Variants in KCNH5 observed in about 807,000 individuals in gnomAD.
The protein encoded by KCNH5 is voltage-gated delayed rectifier potassium channel KCNH5.
Under a neutral mutation model 96.1 loss-of-function variants are expected in KCNH5, and 46 were observed. That is an observed-to-expected ratio of 0.48 (90% CI 0.38 to 0.61). The LOEUF is 0.61. Among genes scored for constraint, KCNH5 ranks in the 20% least tolerant of loss-of-function variants. The probability of loss-of-function intolerance (pLI) is 0.00; values close to 1 mark genes in which losing one functional copy is unlikely to be tolerated. For missense variants in KCNH5, 907 were observed against 1,225.8 expected, an observed-to-expected ratio of 0.74 and a Z score of 3.88; for synonymous variants, 439 against 449.8, an observed-to-expected ratio of 0.98 and a Z score of 0.30.
chr14:62,733,801 C>T (rs934709965), intron 10 of KCNH5, among the ~76,000 whole-genome samples: 2 of 152,142 alleles, frequency 1.3e-5, no homozygotes, highest in Non-Finnish European at 2.9e-5. Context: ...TCTTCTTGTG[C>T]TTCCTTTATT....
chr14:62,926,002 G>A (rs1051841152), intron 7 of KCNH5, among the ~76,000 whole-genome samples: 1 of 152,022 alleles, frequency 6.6e-6, no homozygotes, highest in Non-Finnish European at 1.5e-5. Flanking sequence ...CAAGCTTTAA[G>A]AATGACAAAG....
intron 8 of KCNH5, among the ~76,000 whole-genome samples, chr14:62,811,789 G>A (rs1041931435): frequency 2.0e-5 from 3 of 151,958 alleles, no homozygotes; most frequent in African/African-American, 4.8e-5. Context: ...CAGAAGCTTC[G>A]CTGGAAAGGC....
chr14:62,959,219 CT>C (rs1209000019), intron 6 of KCNH5, among the ~76,000 whole-genome samples: 1 of 152,150 alleles, frequency 6.6e-6, no homozygotes, highest in Non-Finnish European at 1.5e-5. Context: ...TAATTATTAA[CT>C]TATCACCACC....
chr14:62,885,019 G>A (rs992677660), intron 7 of KCNH5, among the ~76,000 whole-genome samples: 16 of 152,134 alleles, frequency 1.1e-4, no homozygotes, highest in Non-Finnish European at 2.4e-4. Context: ...TCAAATCCCA[G>A]TACTCTATAA....
intron 10 of KCNH5, among the ~76,000 whole-genome samples, chr14:62,769,314 G>A (rs1885935733): frequency 6.6e-6 from 1 of 152,238 alleles, no homozygotes; most frequent in South Asian, 2.1e-4. Flanking sequence ...GGGCCAGTAG[G>A]TTGGAGTGAA....
intron 7 of KCNH5, among the ~76,000 whole-genome samples, chr14:62,939,533 G>A (rs1207827730): frequency 6.6e-6 from 1 of 152,096 alleles, no homozygotes. Flanking sequence ...TTAGAAAAAA[G>A]CTTCATCATA....
At chr14:62,811,767 G>A (rs1026898841) in intron 8 of KCNH5, among the ~76,000 whole-genome samples, 1 of 152,012 alleles carries the variant, frequency 6.6e-6, no homozygotes, top group African/African-American at 2.4e-5. Context: ...GAAATAAGCA[G>A]AATTATGCTG....
chr14:62,992,945 C>T (rs1406914979), intron 4 of KCNH5, among the ~76,000 whole-genome samples: 2 of 151,940 alleles, frequency 1.3e-5, no homozygotes, highest in Non-Finnish European at 2.9e-5. Context: ...TTTATAACTT[C>T]AAGTCTTATG....
chr14:62,952,308 T>C (rs1890022297), intron 6 of KCNH5, among the ~76,000 whole-genome samples: 1 of 152,056 alleles, frequency 6.6e-6, no homozygotes, highest in Admixed American at 6.6e-5. Flanking sequence ...ATTAATGAAA[T>C]AAAGAAGACA....
chr14:62,790,366 G>A (rs974539148), intron 9 of KCNH5, among the ~76,000 whole-genome samples: 22 of 151,574 alleles, frequency 1.5e-4, no homozygotes, highest in Admixed American at 1.4e-3. Context: ...TCTCAGTATT[G>A]CTTTTTGTCT....
At chr14:62,811,349 A>G (rs1160835846) in intron 8 of KCNH5, among the ~76,000 whole-genome samples, 2 of 152,078 alleles carry the variant, frequency 1.3e-5, no homozygotes, top group Non-Finnish European at 2.9e-5. Flanking sequence ...TCCTGCTCCA[A>G]TCTTACTACC....
rs890761034 is a variant in KCNH5, at chr14:62,845,305, A to G, written c.1569+4348T>C. 6.6e-5 allele frequency among the ~76,000 whole-genome samples: 10 copies of G among 152,318 alleles called. No individual in the cohort carries two copies. The South Asian group carries it at 1.2e-3, about 19-fold the overall frequency. On this transcript the variant is annotated intron_variant, in intron 8 of 10. Coordinates refer to ENST00000322893, the MANE Select transcript of KCNH5 (RefSeq NM_139318.5). ...ACATAATTCTAAGATGGTGACTGCAATTAAGGAATTTATATTATTACTGTC... is the reference window on the plus strand; with the variant it reads ...ACATAATTCTAAGATGGTGACTGCAGTTAAGGAATTTATATTATTACTGTC...
chr14:62,892,556 C>A (rs1225879094), intron 7 of KCNH5, among the ~76,000 whole-genome samples: 1 of 152,192 alleles, frequency 6.6e-6, no homozygotes, highest in Non-Finnish European at 1.5e-5. Flanking sequence ...AACAAATTTT[C>A]AATGTAAATG....
At chr14:62,777,294 C>T (rs1000766557) in intron 10 of KCNH5, among the ~76,000 whole-genome samples, 2 of 152,132 alleles carry the variant, frequency 1.3e-5, no homozygotes, top group Non-Finnish European at 2.9e-5. Flanking sequence ...GAGATGAATT[C>T]AAATGCAGGC....
intron 10 of KCNH5, among the ~76,000 whole-genome samples, chr14:62,774,287 G>A (rs8022090): frequency 0.05 from 7,598 of 152,086 alleles, 429 homozygotes; most frequent in African/African-American, 0.14. Flanking sequence ...CCACACTTCG[G>A]GAAGGAAAGT....
chr14:62,736,232 T>C (rs2139929838), intron 10 of KCNH5, among the ~76,000 whole-genome samples: 1 of 152,282 alleles, frequency 6.6e-6, no homozygotes, highest in Middle Eastern at 3.4e-3. Flanking sequence ...ACATGTAAGA[T>C]GAAAACAAGA....
intron 6 of KCNH5, among the ~76,000 whole-genome samples, chr14:62,954,810 A>T (rs1009800116): frequency 3.3e-5 from 5 of 152,186 alleles, no homozygotes; most frequent in Non-Finnish European, 5.9e-5. Flanking sequence ...CAAAAGGCAC[A>T]TCTTACATGG....
At chr14:62,755,636 A>AAAGG (rs1409459512) in intron 10 of KCNH5, among the ~76,000 whole-genome samples, 1 of 152,210 alleles carries the variant, frequency 6.6e-6, no homozygotes, top group Non-Finnish European at 1.5e-5. Flanking sequence ...GAAAAAAGAA[A>AAAGG]AAGGAAGGAA....
rs1336193955 is a variant in KCNH5 at position 62,712,310 on chromosome 14, T to G, written c.2020-3855A>C. 5 of 207,552 alleles carry G rather than the reference T, an allele frequency of 2.4e-5. No homozygotes were observed. The Admixed American group carries it at 2.6e-4, about 11-fold the overall frequency. The allele number at this position is 207,552 out of a possible 1,614,324, so 12.9% of individuals were successfully genotyped here. A position where few individuals can be genotyped will look rare whatever the true frequency, so the allele number is the denominator to read the frequency against. On this transcript the variant is annotated intron_variant, in intron 10 of 10. Coordinates refer to ENST00000322893, the MANE Select transcript of KCNH5 (RefSeq NM_139318.5). Reference sequence around the variant, plus strand: ...ACTATGGAACAAAATAATGGCATTGTAAAATGATAATAAAATATCTGTATA... The same window carrying G: ...ACTATGGAACAAAATAATGGCATTGGAAAATGATAATAAAATATCTGTATA...
Sources: gnomAD v4.1 joint callset for allele counts (sites outside exome capture counted in the v4.1 genomes callset) on GRCh38, gnomAD v4.1.1 for gene constraint, MANE v1.5 for transcripts, NCBI Gene and HGNC (gene_info 2026-07-23, HGNC 2026-07-21) for gene names.